NUDCD3: variants seen among roughly 807,000 people sequenced by gnomAD.
NUDCD3 encodes NudC domain containing 3.
Under a neutral mutation model 39.7 loss-of-function variants are expected in NUDCD3, and 13 were observed. The observed-to-expected ratio is 0.33, with a 90% confidence interval of 0.21 to 0.52. NUDCD3 has a LOEUF of 0.52. NUDCD3 is among the 20% of genes least tolerant of loss of function. NUDCD3 has a pLI of 0.96. For missense variants in NUDCD3, 453 were observed against 458.1 expected (o/e 0.99, Z 0.10); for synonymous variants, 175 against 172.4 (o/e 1.02, Z -0.12).
Position 44,427,729 on chromosome 7 carries a change from C to T in NUDCD3, c.510-26G>A, listed in dbSNP as rs769662860. 1.6e-5 allele frequency: 25 copies of T among 1,610,638 alleles called. No individual in the cohort carries two copies. The Middle Eastern group carries it at 5.0e-4, about 32-fold the overall frequency. On this transcript the variant is annotated intron_variant, in intron 2 of 5. Coordinates refer to ENST00000355451, the MANE Select transcript of NUDCD3 (RefSeq NM_015332.4). ...CTGAGAAAGAATAAAAAATGTGATC[C>T]CAGTCAGCCATGCCTGAGCAGAGGA...
At chr7:44,430,086 G>A (rs1004840004) in intron 2 of NUDCD3, among the ~76,000 whole-genome samples, 1 of 152,204 alleles carries the variant, frequency 6.6e-6, no homozygotes, top group African/African-American at 2.4e-5. Flanking sequence ...GGTTATCTCT[G>A]ATAGTAGAGT....
intron 2 of NUDCD3, among the ~76,000 whole-genome samples, chr7:44,483,804 A>G (rs770483247): frequency 3.3e-5 from 5 of 152,220 alleles, no homozygotes; most frequent in African/African-American, 7.2e-5. Flanking sequence ...GCAAGAAAAT[A>G]TTTTTAAAAT....
At chr7:44,423,094 C>A (rs1254066956) in intron 3 of NUDCD3, among the ~76,000 whole-genome samples, 1 of 152,200 alleles carries the variant, frequency 6.6e-6, no homozygotes, top group African/African-American at 2.4e-5. Context: ...TTCAACACCC[C>A]TTCATGCTAA....
chr7:44,469,123 A>C (rs1414765042), intron 2 of NUDCD3, among the ~76,000 whole-genome samples: 1 of 147,742 alleles, frequency 6.8e-6, no homozygotes, highest in Admixed American at 6.7e-5. Context: ...ACCAAAAAAA[A>C]AAAAAAAAAA....
At chr7:44,429,693 A>G (rs1799314549) in intron 2 of NUDCD3, among the ~76,000 whole-genome samples, 1 of 152,218 alleles carries the variant, frequency 6.6e-6, no homozygotes, top group African/African-American at 2.4e-5. Flanking sequence ...CTAGGCACTA[A>G]CCAATCGGAA....
At chr7:44,457,650 C>T (rs10155867) in intron 2 of NUDCD3, among the ~76,000 whole-genome samples, 24,128 of 152,044 alleles carry the variant, frequency 0.16, 2,085 homozygotes, top group Non-Finnish European at 0.19. Context: ...ATATGTAATA[C>T]AGGACTTGTA....
At chr7:44,430,605 A>ACAC (rs763668630) in intron 2 of NUDCD3, among the ~76,000 whole-genome samples, 2 of 138,582 alleles carry the variant, frequency 1.4e-5, no homozygotes, top group African/African-American at 2.8e-5. Context: ...CACACACACA[A>ACAC]AAGACCAACA....
chr7:44,482,164 T>C (rs1452270573), intron 2 of NUDCD3, among the ~76,000 whole-genome samples: 1 of 152,188 alleles, frequency 6.6e-6, no homozygotes, highest in Non-Finnish European at 1.5e-5. Flanking sequence ...TAGAAAGAAC[T>C]CCAAAAAACC....
At chr7:44,391,142 G>A (rs1172827345) in intron 5 of NUDCD3, among the ~76,000 whole-genome samples, 1 of 152,024 alleles carries the variant, frequency 6.6e-6, no homozygotes, top group African/African-American at 2.4e-5. Context: ...TCTCTATTGT[G>A]GGGGGAAAAA....
chr7:44,472,566 A>C (rs1800276068), intron 2 of NUDCD3, among the ~76,000 whole-genome samples: 1 of 152,232 alleles, frequency 6.6e-6, no homozygotes, highest in Non-Finnish European at 1.5e-5. Flanking sequence ...AATATTTGAG[A>C]AAAGTCTGGG....
chr7:44,452,974 C>T (rs1443176131), intron 2 of NUDCD3, among the ~76,000 whole-genome samples: 1 of 152,216 alleles, frequency 6.6e-6, no homozygotes, highest in Non-Finnish European at 1.5e-5. Flanking sequence ...ATTCTGTTCC[C>T]AGCCCAAAAA....
At chr7:44,417,781 G>T (rs988984039) in intron 3 of NUDCD3, among the ~76,000 whole-genome samples, 1 of 152,178 alleles carries the variant, frequency 6.6e-6, no homozygotes. Context: ...TTTGAAAATA[G>T]AATTCCGTGT....
intron 2 of NUDCD3, among the ~76,000 whole-genome samples, chr7:44,468,546 A>C (rs1020483297): frequency 2.0e-5 from 3 of 152,176 alleles, no homozygotes; most frequent in African/African-American, 7.2e-5. Context: ...GGAAGTAAAA[A>C]GATAAATGTA....
intron 3 of NUDCD3, among the ~76,000 whole-genome samples, chr7:44,421,931 A>G (rs1039177239): frequency 4.6e-5 from 7 of 152,222 alleles, no homozygotes; most frequent in Non-Finnish European, 8.8e-5. Context: ...AAATCATAAC[A>G]AACAGTCTCT....
At chr7:44,398,431 T>C (rs1251875795) in intron 4 of NUDCD3, among the ~76,000 whole-genome samples, 2 of 152,186 alleles carry the variant, frequency 1.3e-5, no homozygotes, top group Non-Finnish European at 2.9e-5. Flanking sequence ...ATCATTTCCC[T>C]GGCACGTTCT....
At chr7:44,428,749 TAAAC>T (rs1190842675) in intron 2 of NUDCD3, among the ~76,000 whole-genome samples, 1 of 152,248 alleles carries the variant, frequency 6.6e-6, no homozygotes, top group African/African-American at 2.4e-5. Flanking sequence ...GCTAATAATA[TAAAC>T]ATTATGTAAG....
intron 3 of NUDCD3, among the ~76,000 whole-genome samples, chr7:44,413,668 T>C (rs1798970507): frequency 6.6e-6 from 1 of 152,224 alleles, no homozygotes; most frequent in Admixed American, 6.5e-5. Context: ...GTCAGCAAAT[T>C]TGTGAAAAAC....
At chr7:44,387,009 T>C (rs768035287) in intron 5 of NUDCD3, among the ~76,000 whole-genome samples, 32 of 152,152 alleles carry the variant, frequency 2.1e-4, no homozygotes, top group Non-Finnish European at 3.8e-4. Flanking sequence ...AAAGAGACTA[T>C]GTAGGGCCAG....
At chr7:44,430,552 ACC>A (rs200056045) in intron 2 of NUDCD3, among the ~76,000 whole-genome samples, 1,410 of 138,970 alleles carry the variant, frequency 0.01, 18 homozygotes, top group African/African-American at 0.037. Flanking sequence ...TAAATAAAAT[ACC>A]CACACACACA....
Sources: gnomAD v4.1 joint callset for allele counts (sites outside exome capture counted in the v4.1 genomes callset) on GRCh38, gnomAD v4.1.1 for gene constraint, MANE v1.5 for transcripts, NCBI Gene and HGNC (gene_info 2026-07-23, HGNC 2026-07-21) for gene names.